SERPINF1: variants seen among roughly 807,000 people sequenced by gnomAD.
The protein encoded by SERPINF1 is serpin family F member 1, also known as pigment epithelium-derived factor.
SERPINF1 carries 29 observed loss-of-function variants against 37.3 expected under a neutral mutation model. That is an observed-to-expected ratio of 0.78 (90% CI 0.58 to 1.06). SERPINF1 has a LOEUF of 1.06. Ranked by LOEUF, SERPINF1 falls within the 50% of genes least tolerant of loss-of-function variation. The probability of loss-of-function intolerance (pLI) is 0.00; values close to 1 mark genes in which losing one functional copy is unlikely to be tolerated. For synonymous variants in SERPINF1, 281 were observed against 227.9 expected, an observed-to-expected ratio of 1.23 and a Z score of -2.10; for missense variants, 553 against 532.2, an observed-to-expected ratio of 1.04 and a Z score of -0.38.
chr17:1,776,534 T>A lies in SERPINF1; in HGVS notation c.789T>A (p.Ile263=), dbSNP rs144975917. The change falls in exon 7 of 8, where the codon ATT becomes ATA. Residue 263 remains isoleucine, a splice_region_variant and synonymous_variant. Coordinates refer to ENST00000254722, the MANE Select transcript of SERPINF1 (RefSeq NM_002615.7). The stretch of plus-strand genomic sequence containing the variant: ...ACATGCTTTCTCACTTGTCTCAGAT[T>A]GCCCAGCTGCCCTTGACCGGAAGCA... ...YGLDSDLSCK[I]AQLPLTGSMS... The A allele has an allele frequency of 6.2e-7, 1 of 1,614,016 alleles. No individual in the cohort carries two copies. The highest frequency in any genetic ancestry group is 8.5e-7 in the Non-Finnish European group (1 of 1,180,002).
At position 1,777,334 on chromosome 17, in the gene SERPINF1, T is replaced by G; in HGVS notation, c.1145T>G (p.Leu382Arg). The change falls in exon 8 of 8, where the codon CTC becomes CGC. Residue 382 changes from leucine to arginine, a missense_variant. Coordinates refer to ENST00000254722, the MANE Select transcript of SERPINF1 (RefSeq NM_002615.7). The part of the protein sequence containing the change: ...TPSPGLQPAH[L>R]TFPLDYHLNQ... ...AGCCCAGGGCTGCAGCCTGCCCACC[T>G]CACCTTCCCGCTGGACTATCACCTT... The G allele has an allele frequency of 6.2e-7, 1 of 1,614,080 alleles. No homozygotes were observed. Among genetic ancestry groups the G allele is most frequent in the Non-Finnish European group, 8.5e-7 (1 of 1,180,002 alleles).
Position 1,777,321 on chromosome 17 carries a change from C to G in SERPINF1, c.1132C>G (p.Gln378Glu), listed in dbSNP as rs193302873. ...GAGTTPSPGLQPAHLTFPLDY... is the reference protein window; with the variant it reads ...GAGTTPSPGLEPAHLTFPLDY... ...GGGAACCACCCCCAGCCCAGGGCTG[C>G]AGCCTGCCCACCTCACCTTCCCGCT... Residue 378 changes from glutamine (Q) to glutamate (E), a missense_variant, in exon 8 of 8, where the codon CAG becomes GAG. Coordinates refer to ENST00000254722, the MANE Select transcript of SERPINF1 (RefSeq NM_002615.7). 1 of 1,614,062 alleles carries G rather than the reference C, an allele frequency of 6.2e-7. No homozygotes were observed. Among genetic ancestry groups the G allele is most frequent in the Non-Finnish European group, 8.5e-7 (1 of 1,180,048 alleles).
intron 1 of SERPINF1, among the ~76,000 whole-genome samples, chr17:1,763,428 C>T (rs1213803479): frequency 6.6e-6 from 1 of 152,222 alleles, no homozygotes; most frequent in Non-Finnish European, 1.5e-5. Flanking sequence ...TCCCTGAGCC[C>T]TCCCCCGCCT....
intron 2 of SERPINF1, 110 bp downstream of exon 2, chr17:1,767,104 C>A: frequency 1.1e-6 from 1 of 906,900 alleles, no homozygotes. Flanking sequence ...CAGGCTTGGG[C>A]CTTTATTTCT....
chr17:1,767,420 G>A (rs936977693), intron 2 of SERPINF1, among the ~76,000 whole-genome samples: 9 of 152,208 alleles, frequency 5.9e-5, no homozygotes, highest in African/African-American at 2.2e-4. Flanking sequence ...GGGATGACAG[G>A]TGTGAGCCAC....
rs1907763827 is a variant in SERPINF1 at position 1,771,904 on chromosome 17, C to T, written c.472C>T (p.Leu158=). 1 of 1,613,766 alleles carries T rather than the reference C, an allele frequency of 6.2e-7. No homozygotes were observed. Among genetic ancestry groups the T allele is most frequent in the South Asian group, 1.1e-5 (1 of 91,082 alleles). The change falls in exon 5 of 8, where the codon CTG becomes TTG. Residue 158 remains leucine, a synonymous_variant. Coordinates refer to ENST00000254722, the MANE Select transcript of SERPINF1 (RefSeq NM_002615.7). ...LRIKSSFVAP[L]EKSYGTRPRV... ...CATAAAATCCAGCTTTGTGGCACCT[C>T]TGGAAAAGTCATATGGGACCAGGCC...
At chr17:1,765,855 A>G (rs1184506062) in intron 1 of SERPINF1, among the ~76,000 whole-genome samples, 2 of 139,434 alleles carry the variant, frequency 1.4e-5, no homozygotes, top group African/African-American at 2.7e-5. Flanking sequence ...CAGCACAGCA[A>G]GATCTTGTCT....
At chr17:1,773,836 TGGGGTA>T (rs1486396961) in intron 5 of SERPINF1, among the ~76,000 whole-genome samples, 1 of 151,912 alleles carries the variant, frequency 6.6e-6, no homozygotes, top group Non-Finnish European at 1.5e-5. Context: ...TGGGGTGGCC[TGGGGTA>T]GGGGGAGGGG....
rs1597357691 is a variant in SERPINF1 at position 1,777,361 on chromosome 17, A to C, written c.1172A>C (p.Asn391Thr). Residue 391 changes from asparagine (N) to threonine (T), a missense_variant, in exon 8 of 8, where the codon AAC becomes ACC. Asn to Thr is a moderately conservative substitution (Grantham distance 65, BLOSUM62 0). Transcript: ENST00000254722. ...ACCTTCCCGCTGGACTATCACCTTAACCAGCCTTTCATCTTCGTACTGAGG... is the reference window on the plus strand; with the variant it reads ...ACCTTCCCGCTGGACTATCACCTTACCCAGCCTTTCATCTTCGTACTGAGG... ...HLTFPLDYHL[N>T]QPFIFVLRDT... 5.6e-6 allele frequency: 9 copies of C among 1,614,010 alleles called. No homozygotes were observed. Among genetic ancestry groups the C allele is most frequent in the Non-Finnish European group, 7.6e-6 (9 of 1,180,010 alleles).
Position 1,766,982 on chromosome 17 carries a change from C to A in SERPINF1, c.72C>A (p.Ser24Arg). The change falls in exon 2 of 8, where the codon AGC becomes AGA. Residue 24 changes from serine (S) to arginine (R), a missense_variant. Transcript: ENST00000254722. ...ACAGCAGCTGCCAGAACCCTGCCAG[C>A]CCCCCGGAGGAGGTCAGTAGGCAGG... The part of the protein sequence containing the change: ...LGHSSCQNPA[S>R]PPEEGSPDPD... 6.4e-7 allele frequency: 1 copy of A among 1,555,364 alleles called. No individual in the cohort carries two copies. Among genetic ancestry groups the A allele is most frequent in the Non-Finnish European group, 8.7e-7 (1 of 1,149,112 alleles).
chr17:1,777,123 G>T (rs781517804), intron 7 of SERPINF1, 64 bp from the exon 8 acceptor site: 1 of 1,612,700 alleles, frequency 6.2e-7, no homozygotes, highest in Non-Finnish European at 8.5e-7. Context: ...CTTGCAAAGG[G>T]ATCCCTTGGT....
Position 1,777,485 on chromosome 17 carries a change from C to T in SERPINF1, c.*39C>T, listed in dbSNP as rs577188765. ...TATTCCAATACCCTAGAAGAAAACC[C>T]GAGGGACAGCAGATTCCACAGGACA... On this transcript the variant is annotated 3_prime_UTR_variant, in exon 8 of 8. Transcript: ENST00000254722. 1.9e-5 allele frequency: 31 copies of T among 1,613,296 alleles called. No individual in the cohort carries two copies. The highest frequency in any genetic ancestry group is 1.8e-4 in the Middle Eastern group (1 of 5,646).
At chr17:1,772,731 TG>T (rs1287147308) in intron 5 of SERPINF1, among the ~76,000 whole-genome samples, 2 of 149,404 alleles carry the variant, frequency 1.3e-5, no homozygotes, top group Non-Finnish European at 3.0e-5. Context: ...ACTAATTTTT[TG>T]TATTTTTAGT....
At position 1,771,166 on chromosome 17, in the gene SERPINF1, CG is replaced by C; in HGVS notation, c.423del (p.Ile142SerfsTer9). On this transcript the variant is annotated frameshift_variant, in exon 4 of 8. Coordinates refer to ENST00000254722, the MANE Select transcript of SERPINF1 (RefSeq NM_002615.7). LOFTEE classifies it high-confidence loss of function. ...APQKNLKSAS[R>X]IVFEKKLRIK... is the part of the protein sequence containing the mutation. Reference sequence around the variant, plus strand: ...CCAGAAGAACCTCAAGAGTGCCTCCCGGATCGTCTTTGAGAAGAGTGAGTCG... The same window carrying C: ...CCAGAAGAACCTCAAGAGTGCCTCCCGATCGTCTTTGAGAAGAGTGAGTCG... The C allele has an allele frequency of 6.2e-7, 1 of 1,613,944 alleles. No individual in the cohort carries two copies. The highest frequency in any genetic ancestry group is 8.5e-7 in the Non-Finnish European group (1 of 1,179,942).
At chr17:1,774,973 C>G (rs1567757127) in intron 5 of SERPINF1, 85 bp from the exon 6 acceptor site, 8 of 1,587,620 alleles carry the variant, frequency 5.0e-6, no homozygotes, top group Non-Finnish European at 6.9e-6. Context: ...GGGCAATTTT[C>G]AACAACGTGC....
At position 1,766,908 on chromosome 17, in the gene SERPINF1, A is replaced by G. The variant is rs1191727498; in HGVS notation, c.-3A>G. 1.3e-5 allele frequency: 20 copies of G among 1,558,128 alleles called. No individual in the cohort carries two copies. The highest frequency in any genetic ancestry group is 1.7e-5 in the Non-Finnish European group (20 of 1,150,838). On this transcript the variant is annotated 5_prime_UTR_variant, in exon 2 of 8. Transcript: ENST00000254722. ...GCCTCGTTCTTTTCTTGCAGGCCCC[A>G]GGATGCAGGCCCTGGTGCTACTCCT...
In SERPINF1 at chr17:1,776,565, ATCATCTTCTTCCTGCCCCTGAAAG is replaced by A; in HGVS notation, c.822_845del (p.Ile274_Val282delinsMet). 1 of 1,614,052 alleles carries A rather than the reference ATCATCTTCTTCCTGCCCCTGAAAG, an allele frequency of 6.2e-7. No individual in the cohort carries two copies. The highest frequency in any genetic ancestry group is 2.2e-5 in the East Asian group (1 of 44,848). ...GCTGCCCTTGACCGGAAGCATGAGT[ATCATCTTCTTCCTGCCCCTGAAAG>A]TGACCCAGAATTTGACCTTGATAGA... On this transcript the variant is annotated inframe_deletion, in exon 7 of 8. Transcript: ENST00000254722.
At position 1,771,870 on chromosome 17, in the gene SERPINF1, A is replaced by G; in HGVS notation, c.440-2A>G. The G allele has an allele frequency of 6.2e-7, 1 of 1,611,662 alleles. No homozygotes were observed. Among genetic ancestry groups the G allele is most frequent in the Non-Finnish European group, 8.5e-7 (1 of 1,179,800 alleles). ...GCTAACCTCTGCTCCGCCTCTTCTC[A>G]GAGCTGCGCATAAAATCCAGCTTTG... On this transcript the variant is annotated splice_acceptor_variant, in intron 4 of 7. Transcript: ENST00000254722. LOFTEE classifies it high-confidence loss of function.
chr17:1,770,068 G>GT lies in SERPINF1; in HGVS notation c.283+18_283+19insT. 6.2e-7 allele frequency: 1 copy of GT among 1,613,716 alleles called. No individual in the cohort carries two copies. Among genetic ancestry groups the GT allele is most frequent in the Non-Finnish European group, 8.5e-7 (1 of 1,179,868 alleles). On this transcript the variant is annotated intron_variant, in intron 3 of 7. Transcript: ENST00000254722. Reference sequence around the variant, plus strand: ...CTCGCTGGGTGAGTGCTCAGATGCAGGAAGCCCCAGGCAGACCTGGAGAGG... The same window carrying GT: ...CTCGCTGGGTGAGTGCTCAGATGCAGTGAAGCCCCAGGCAGACCTGGAGAGG...
Sources: allele counts gnomAD v4.1 joint callset (sites outside exome capture counted in the v4.1 genomes callset), GRCh38; gene constraint gnomAD v4.1.1; transcripts MANE v1.5; gene names NCBI Gene and HGNC (gene_info 2026-07-23, HGNC 2026-07-21).